Variants in NFIL3 observed in about 807,000 individuals in gnomAD.
NFIL3 encodes nuclear factor, interleukin 3 regulated.
Under a neutral mutation model 10.0 loss-of-function variants are expected in NFIL3, and 5 were observed. The ratio of observed to expected loss-of-function variants is 0.50; its 90% CI spans 0.26 to 1.06. The LOEUF (loss-of-function observed/expected upper bound fraction) is 1.06. Ranked by LOEUF, NFIL3 falls within the 50% of genes least tolerant of loss-of-function variation. NFIL3 has a pLI of 0.13. For missense variants in NFIL3, 436 were observed against 547.6 expected, an observed-to-expected ratio of 0.80 and a Z score of 2.03; for synonymous variants, 202 against 206.5, an observed-to-expected ratio of 0.98 and a Z score of 0.19.
the NFIL3 span, among the ~76,000 whole-genome samples, chr9:91,458,208 G>A: frequency 4.9e-4 from 74 of 151,984 alleles, no homozygotes; most frequent in Non-Finnish European, 4.4e-5. Flanking sequence ...AGTTTTTATA[G>A]AATTAGTATT....
chr9:91,471,762 A>G, the NFIL3 span, among the ~76,000 whole-genome samples: 1 of 152,064 alleles, frequency 6.6e-6, no homozygotes, highest in Non-Finnish European at 1.5e-5. Flanking sequence ...TTAGCTTGTT[A>G]TTTTGCGCAT....
the NFIL3 span, among the ~76,000 whole-genome samples, chr9:91,443,244 G>A: frequency 1.5e-4 from 23 of 152,284 alleles, no homozygotes; most frequent in East Asian, 2.3e-3. Flanking sequence ...GGGCAGCCAC[G>A]GGCAGGCCTG....
At chr9:91,433,394 G>C in the NFIL3 span, among the ~76,000 whole-genome samples, 8 of 152,188 alleles carry the variant, frequency 5.3e-5, no homozygotes, top group African/African-American at 1.9e-4. Context: ...GAGCATTGCT[G>C]CAGTTTGACT....
chr9:91,430,199 C>T, the NFIL3 span, among the ~76,000 whole-genome samples: 2 of 152,278 alleles, frequency 1.3e-5, no homozygotes, highest in East Asian at 1.9e-4. Context: ...AATCTTGTTA[C>T]GCTGCCAGGA....
chr9:91,438,368 T>A, the NFIL3 span, among the ~76,000 whole-genome samples: 4 of 152,212 alleles, frequency 2.6e-5, no homozygotes, highest in Admixed American at 1.3e-4. Flanking sequence ...TTTGTTTTTC[T>A]GCTATTGAAT....
chr9:91,475,067 T>C, the NFIL3 span, among the ~76,000 whole-genome samples: 1 of 152,238 alleles, frequency 6.6e-6, no homozygotes, highest in Non-Finnish European at 1.5e-5. Flanking sequence ...GTTCTGTGAC[T>C]GATAGTTGAA....
the NFIL3 span, among the ~76,000 whole-genome samples, chr9:91,474,292 A>G: frequency 2.0e-5 from 3 of 152,210 alleles, no homozygotes; most frequent in Admixed American, 2.0e-4. Flanking sequence ...CCTGTAATGA[A>G]TTCCAGTTGT....
intron 1 of NFIL3, among the ~76,000 whole-genome samples, chr9:91,415,623 C>CTTTTT (rs994764308): frequency 2.8e-5 from 4 of 142,776 alleles, no homozygotes; most frequent in Admixed American, 2.1e-4. Flanking sequence ...ACTACTTCTT[C>CTTTTT]TTTTTTTTTT....
intron 1 of NFIL3, among the ~76,000 whole-genome samples, chr9:91,423,140 C>T (rs2118044731): frequency 6.6e-6 from 1 of 152,292 alleles, no homozygotes; most frequent in Middle Eastern, 3.4e-3. Flanking sequence ...AATGCCGTCA[C>T]CGTTCACGCT....
At chr9:91,433,071 GA>G in the NFIL3 span, among the ~76,000 whole-genome samples, 3 of 151,648 alleles carry the variant, frequency 2.0e-5, no homozygotes, top group East Asian at 1.9e-4. Context: ...AATGAGACAG[GA>G]AAAAAAAGAA....
chr9:91,442,440 A>G, the NFIL3 span, among the ~76,000 whole-genome samples: 194 of 152,164 alleles, frequency 1.3e-3, 1 homozygote, highest in Middle Eastern at 6.8e-3. Context: ...CTGCCTGAGT[A>G]TTGCTTGTGT....
the NFIL3 span, among the ~76,000 whole-genome samples, chr9:91,444,740 C>T: frequency 6.6e-6 from 1 of 151,984 alleles, no homozygotes; most frequent in African/African-American, 2.4e-5. Context: ...GTGGTCTAGG[C>T]TGCAAGATTT....
At chr9:91,431,535 A>G in the NFIL3 span, among the ~76,000 whole-genome samples, 1 of 152,202 alleles carries the variant, frequency 6.6e-6, no homozygotes, top group Non-Finnish European at 1.5e-5. Flanking sequence ...GCCTGAGCTT[A>G]GGGATGCACT....
At chr9:91,424,252 GACC>G (rs1246126251), upstream of NFIL3, among the ~76,000 whole-genome samples, 5 of 152,126 alleles carry the variant, frequency 3.3e-5, no homozygotes, top group Non-Finnish European at 5.9e-5. Flanking sequence ...CGCTCCCCGC[GACC>G]CTCACTTGCT....
At chr9:91,420,565 C>T (rs571595496) in intron 1 of NFIL3, among the ~76,000 whole-genome samples, 1 of 152,252 alleles carries the variant, frequency 6.6e-6, no homozygotes, top group South Asian at 2.1e-4. Flanking sequence ...CCAGGGCCTG[C>T]GCTCTTAGGA....
At chr9:91,415,766 T>G (rs1449827950) in intron 1 of NFIL3, among the ~76,000 whole-genome samples, 1 of 152,152 alleles carries the variant, frequency 6.6e-6, no homozygotes, top group East Asian at 1.9e-4. Context: ...TAGCTGGGAT[T>G]ACAGGCATGC....
At chr9:91,444,382 A>G in the NFIL3 span, among the ~76,000 whole-genome samples, 13 of 151,868 alleles carry the variant, frequency 8.6e-5, no homozygotes, top group Non-Finnish European at 1.3e-4. Flanking sequence ...ATCTTCCTGG[A>G]TTTCCTTTAA....
At chr9:91,429,004 G>A in the NFIL3 span, among the ~76,000 whole-genome samples, 12 of 152,218 alleles carry the variant, frequency 7.9e-5, no homozygotes, top group African/African-American at 2.7e-4. Flanking sequence ...AGCAAGCATT[G>A]TGGCAGCACT....
the NFIL3 span, among the ~76,000 whole-genome samples, chr9:91,433,487 T>C: frequency 6.6e-6 from 1 of 152,268 alleles, no homozygotes; most frequent in Non-Finnish European, 1.5e-5. Flanking sequence ...TCAGACTTCC[T>C]TGATGGCAGG....
Sources: allele counts gnomAD v4.1 joint callset (sites outside exome capture counted in the v4.1 genomes callset), GRCh38; gene constraint gnomAD v4.1.1; transcripts MANE v1.5; gene names NCBI Gene and HGNC (gene_info 2026-07-23, HGNC 2026-07-21).